SLC6A6: variants seen among roughly 807,000 people sequenced by gnomAD.
SLC6A6 encodes the protein solute carrier family 6 member 6, also known as sodium- and chloride-dependent taurine transporter.
A neutral mutation model predicts 68.8 loss-of-function variants in SLC6A6; 16 were observed. That is an observed-to-expected ratio of 0.23 (90% CI 0.16 to 0.35). The LOEUF (loss-of-function observed/expected upper bound fraction) is 0.35, where lower values mean the gene tolerates loss of function less well. Among genes scored for constraint, SLC6A6 ranks in the 10% least tolerant of loss-of-function variants. The probability of loss-of-function intolerance (pLI) is 1.00; values close to 1 mark genes in which losing one functional copy is unlikely to be tolerated. For missense variants in SLC6A6, 474 were observed against 802.8 expected (o/e 0.59, Z 4.95); for synonymous variants, 312 against 315.4 (o/e 0.99, Z 0.12).
chr3:14,478,029 G>A (rs374976690), intron 11 of SLC6A6, among the ~76,000 whole-genome samples: 5 of 151,590 alleles, frequency 3.3e-5, no homozygotes, highest in African/African-American at 9.7e-5. Context: ...CCCCAGGAAC[G>A]GGTCCCATTT....
At chr3:14,451,661 G>T (rs1047001065) in intron 5 of SLC6A6, among the ~76,000 whole-genome samples, 1 of 152,226 alleles carries the variant, frequency 6.6e-6, no homozygotes, top group Admixed American at 6.5e-5. Flanking sequence ...TGGTGGGAAA[G>T]AGAGGCTGGA....
chr3:14,484,214 A>G (rs1208371575), intron 14 of SLC6A6, among the ~76,000 whole-genome samples: 2 of 152,200 alleles, frequency 1.3e-5, no homozygotes, highest in African/African-American at 4.8e-5. Context: ...AACTGTGAGG[A>G]CAAAACTCAC....
At chr3:14,444,720 T>G in intron 3 of SLC6A6, 1 of 456,616 alleles carries the variant, frequency 2.2e-6, no homozygotes, top group Non-Finnish European at 4.4e-6. Context: ...TAGAGCCTGG[T>G]TTCTTAACCT....
Position 14,466,791 on chromosome 3 carries a change from G to A in SLC6A6, c.867+141G>A, listed in dbSNP as rs1024475241. 13 of 707,260 alleles carry A rather than the reference G, an allele frequency of 1.8e-5. No individual in the cohort carries two copies. In the African/African-American group the frequency reaches 2.1e-4, roughly 12 times the overall value. 43.8% of individuals were successfully genotyped at this position (707,260 alleles called of 1,614,324 possible). On this transcript the variant is annotated intron_variant, in intron 7 of 14. Coordinates refer to ENST00000622186, the MANE Select transcript of SLC6A6 (RefSeq NM_003043.6). ...GGTCTAGCTGGGCCACCGCCCCCTG[G>A]TACTTTTCCACCGGGCCTGTGGCGG...
In SLC6A6 at chr3:14,402,857, G is replaced by T. The variant is rs1699016420; in HGVS notation, c.-54+10G>T. The T allele has an allele frequency of 5.1e-6, 2 of 395,652 alleles. No homozygotes were observed. The highest frequency in any genetic ancestry group is 8.9e-5 in the Admixed American group (2 of 22,594). The allele number at this position is 395,652 out of a possible 1,614,324, so 24.5% of individuals were successfully genotyped here. ...GCCGCAGCCACCCCAGGTACCGGAG[G>T]GACCGGGAGCTGGGCGCGCAGCCGG... On this transcript the variant is annotated intron_variant, in intron 1 of 14. Coordinates refer to ENST00000622186, the MANE Select transcript of SLC6A6 (RefSeq NM_003043.6). The surrounding 1 kb of genome is among the most constrained non-coding windows in gnomAD (Gnocchi z 4.8).
intron 1 of SLC6A6, among the ~76,000 whole-genome samples, chr3:14,406,552 A>C (rs552453150): frequency 6.6e-6 from 1 of 152,212 alleles, no homozygotes; most frequent in African/African-American, 2.4e-5. Context: ...AGGCCTGGAC[A>C]TGCTATTTAA....
At chr3:14,406,532 A>G (rs1051570593) in intron 1 of SLC6A6, among the ~76,000 whole-genome samples, 3 of 152,152 alleles carry the variant, frequency 2.0e-5, no homozygotes, top group Non-Finnish European at 4.4e-5. Flanking sequence ...TTCTGTAAAC[A>G]TGGGGGTGAA....
chr3:14,444,816 C>T (rs750052500), intron 3 of SLC6A6: 2 of 456,620 alleles, frequency 4.4e-6, no homozygotes, highest in Non-Finnish European at 8.8e-6. Context: ...CCCAAGTTGC[C>T]CACAGTTTCA....
In SLC6A6 at chr3:14,422,532, G is replaced by T. The variant is rs150346973; in HGVS notation, c.-12+6079G>T. Among the ~76,000 whole-genome samples the T allele has an allele frequency of 3.7e-4, 57 of 152,260 alleles. 1 individual carries two copies. In the South Asian group the frequency reaches 0.012, roughly 31 times the overall value. On this transcript the variant is annotated intron_variant, in intron 2 of 14. Transcript: ENST00000622186. Reference sequence around the variant, plus strand: ...CTCCACTAAGTCAGGCACAGAGCACGTGCAGCATAGGGCCGGTGTCCAGGC... The same window carrying T: ...CTCCACTAAGTCAGGCACAGAGCACTTGCAGCATAGGGCCGGTGTCCAGGC...
intron 2 of SLC6A6, among the ~76,000 whole-genome samples, chr3:14,425,865 G>C (rs1699584733): frequency 6.6e-6 from 1 of 152,136 alleles, no homozygotes; most frequent in Non-Finnish European, 1.5e-5. Context: ...AATTTAAATG[G>C]CTAAACATTT....
chr3:14,421,131 G>A (rs114516088), intron 2 of SLC6A6, among the ~76,000 whole-genome samples: 30 of 152,324 alleles, frequency 2.0e-4, no homozygotes, highest in Non-Finnish European at 3.1e-4. Flanking sequence ...CCTCCCTGGG[G>A]AGCTCCTGCC....
chr3:14,403,129 A>C (rs1699027070), intron 1 of SLC6A6, among the ~76,000 whole-genome samples: 1 of 145,358 alleles, frequency 6.9e-6, no homozygotes, highest in Non-Finnish European at 1.5e-5. Context: ...TGTGTGGCAT[A>C]TCTGTGTGCC....
At chr3:14,445,438 GAAAA>G (rs1183879272) in intron 3 of SLC6A6, among the ~76,000 whole-genome samples, 10 of 116,598 alleles carry the variant, frequency 8.6e-5, no homozygotes, top group Non-Finnish European at 1.5e-4. Context: ...AAAAAAAAAA[GAAAA>G]AAAGAAAGAA....
In SLC6A6 at chr3:14,477,773, C is replaced by T. The variant is rs541374607; in HGVS notation, c.1347+431C>T. On this transcript the variant is annotated intron_variant, in intron 11 of 14. Coordinates refer to ENST00000622186, the MANE Select transcript of SLC6A6 (RefSeq NM_003043.6). This position sits in a 1 kb window ranked among gnomAD's most constrained non-coding sequence, Gnocchi z 4.2. ...CCTTGCAGGTCACCTGCCACAGGAC[C>T]GAGTCCTGGTGGGTATGGGTTGATA... Among the ~76,000 whole-genome samples, 23 of 152,226 alleles carry T rather than the reference C, an allele frequency of 1.5e-4. No individual in the cohort carries two copies. The South Asian group carries it at 4.6e-3, about 30-fold the overall frequency.
intron 2 of SLC6A6, among the ~76,000 whole-genome samples, chr3:14,431,777 A>G (rs1333827977): frequency 6.6e-6 from 1 of 152,166 alleles, no homozygotes; most frequent in Admixed American, 6.5e-5. Flanking sequence ...GTCGAGCTGA[A>G]TTTCTGAGTC....
rs779899663 is a variant in SLC6A6 at position 14,443,810 on chromosome 3, TG to T, written c.179del (p.Gly60AlafsTer42). On this transcript the variant is annotated frameshift_variant, in exon 3 of 15. Transcript: ENST00000622186. LOFTEE classifies it high-confidence loss of function. ...GTGCTCTCTGTGGCTGGCGGCTTCG[TG>T]GGCTTGGGCAACGTCTGGCGCTTCC... ...DFVLSVAGGFVGLGNVWRFPY... is the reference protein window; with the variant it reads ...DFVLSVAGGFXGLGNVWRFPY... 1 of 1,614,170 alleles carries T rather than the reference TG, an allele frequency of 6.2e-7. No individual in the cohort carries two copies.
intron 9 of SLC6A6, among the ~76,000 whole-genome samples, chr3:14,471,463 T>C (rs1700750660): frequency 6.6e-6 from 1 of 152,202 alleles, no homozygotes; most frequent in South Asian, 2.1e-4. Flanking sequence ...TATGGCCACC[T>C]GCCCCTCACT....
chr3:14,471,233 G>A (rs1046898305), intron 9 of SLC6A6, among the ~76,000 whole-genome samples: 3 of 150,070 alleles, frequency 2.0e-5, no homozygotes, highest in Non-Finnish European at 2.9e-5. Context: ...ATTTCCGTTG[G>A]CATCCGCTTT....
chr3:14,446,455 G>A (rs955485206), intron 4 of SLC6A6, among the ~76,000 whole-genome samples: 3 of 152,178 alleles, frequency 2.0e-5, no homozygotes, highest in African/African-American at 7.2e-5. Context: ...ATGGCATACT[G>A]TGTTCACTAC....
Sources: allele counts gnomAD v4.1 joint callset (sites outside exome capture counted in the v4.1 genomes callset), GRCh38; gene constraint gnomAD v4.1.1; non-coding constraint Gnocchi (gnomAD v3.1); transcripts MANE v1.5; gene names NCBI Gene and HGNC (gene_info 2026-07-23, HGNC 2026-07-21).